Variants in ASZ1 observed in about 807,000 individuals in gnomAD.
ASZ1 encodes ankyrin repeat, SAM and basic leucine zipper domain-containing protein 1.
ASZ1 carries 67 observed loss-of-function variants against 61.8 expected under a neutral mutation model. The observed-to-expected ratio is 1.08, with a 90% CI of 0.89 to 1.33. ASZ1 has a LOEUF of 1.33. Among genes scored for constraint, ASZ1 ranks in the 40% most tolerant of loss-of-function variants. The pLI, the probability that ASZ1 is intolerant of heterozygous loss-of-function variation, is 0.00. For synonymous variants in ASZ1, 193 were observed against 192.7 expected (o/e 1.00, Z -0.01); for missense variants, 577 against 554.5 (o/e 1.04, Z -0.41).
chr7:117,387,318 A>G (rs1007417042), intron 4 of ASZ1, among the ~76,000 whole-genome samples: 10 of 145,082 alleles, frequency 6.9e-5, no homozygotes, highest in African/African-American at 2.8e-4. Flanking sequence ...CAACAACAAC[A>G]ACAACAACAA....
intron 10 of ASZ1, 39 bp from the exon 11 acceptor site, chr7:117,368,756 A>G (rs1795992878): frequency 1.9e-6 from 3 of 1,604,038 alleles, no homozygotes; most frequent in Middle Eastern, 1.7e-4. Context: ...GGAATTACTA[A>G]TAAGAGCAAT....
rs561983723 is a variant in ASZ1 at position 117,412,039 on chromosome 7, A to AGTGTGTATGT, written c.440+8123_440+8124insACATACACAC. Among the ~76,000 whole-genome samples, 1,370 of 128,426 alleles carry AGTGTGTATGT rather than the reference A, an allele frequency of 0.011. 37 individuals carry two copies. The South Asian group carries it at 0.12, about 11-fold the overall frequency. 84.3% of individuals were successfully genotyped at this position (128,426 alleles called of 152,430 possible). On this transcript the variant is annotated intron_variant, in intron 4 of 12. Transcript: ENST00000284629. ...GAAAGATCCCAAACAAGTGAAAAGA[A>AGTGTGTATGT]GTGTGTGTGTGTGTGTGTGTGTGTG...
intron 7 of ASZ1, 83 bp from the exon 8 acceptor site, chr7:117,382,227 T>A (rs915447655): frequency 8.2e-6 from 7 of 849,842 alleles, no homozygotes; most frequent in African/African-American, 1.7e-5. Flanking sequence ...TGCAAGAGAA[T>A]ATGAATAATA....
chr7:117,376,298 A>G (rs1796135848), intron 10 of ASZ1, among the ~76,000 whole-genome samples: 1 of 152,172 alleles, frequency 6.6e-6, no homozygotes, highest in South Asian at 2.1e-4. Flanking sequence ...AATAAATCAA[A>G]TTGTAATTTA....
At chr7:117,403,672 T>G (rs183353456) in intron 4 of ASZ1, among the ~76,000 whole-genome samples, 11 of 152,256 alleles carry the variant, frequency 7.2e-5, no homozygotes, top group Non-Finnish European at 1.6e-4. Flanking sequence ...CCCTTTACTA[T>G]CTATTGCTGT....
At chr7:117,408,526 A>G (rs1433682409) in intron 4 of ASZ1, among the ~76,000 whole-genome samples, 2 of 152,190 alleles carry the variant, frequency 1.3e-5, no homozygotes, top group African/African-American at 2.4e-5. Flanking sequence ...AGGTTGGGTT[A>G]TAAAGAACAT....
intron 4 of ASZ1, among the ~76,000 whole-genome samples, chr7:117,391,419 A>C (rs992119917): frequency 6.6e-6 from 1 of 152,162 alleles, no homozygotes; most frequent in Non-Finnish European, 1.5e-5. Flanking sequence ...TTTTTCTTCT[A>C]GGATTTTTGT....
Position 117,383,100 on chromosome 7 carries a change from A to C in ASZ1, c.698T>G (p.Leu233Ter). 1 of 1,559,770 alleles carries C rather than the reference A, an allele frequency of 6.4e-7. No individual in the cohort carries two copies. The highest frequency in any genetic ancestry group is 1.2e-5 in the South Asian group (1 of 81,764). Residue 233 changes from leucine to a stop codon, truncating the protein, a stop_gained, in exon 7 of 13, where the codon TTA (leucine) becomes TGA (stop). Coordinates refer to ENST00000284629, the MANE Select transcript of ASZ1 (RefSeq NM_130768.3). LOFTEE classifies it high-confidence loss of function. ...CAATGGATTTAAAGTAAAAGAAAGT[A>C]AGTTGAAGATCTGAAAAAAGTTAAC... ...KRNKHHEIFN[L>*]LSFTLNPLEG...
intron 2 of ASZ1, among the ~76,000 whole-genome samples, 184 bp from the exon 3 acceptor site, chr7:117,422,543 A>C (rs767504789): frequency 2.1e-4 from 32 of 152,332 alleles, no homozygotes; most frequent in South Asian, 1.0e-3. Flanking sequence ...CAATTTGCTA[A>C]CTTCAGTTTC....
chr7:117,409,629 G>A (rs1326106700), intron 4 of ASZ1, among the ~76,000 whole-genome samples: 3 of 151,794 alleles, frequency 2.0e-5, no homozygotes, highest in South Asian at 2.1e-4. Context: ...ACAAATTAAG[G>A]GGGACCTTGT....
chr7:117,394,552 C>A (rs185281433), intron 4 of ASZ1, among the ~76,000 whole-genome samples: 1 of 152,070 alleles, frequency 6.6e-6, no homozygotes, highest in East Asian at 1.9e-4. Context: ...AATCTTTATT[C>A]AGTGATTCTT....
At chr7:117,401,472 G>A (rs1468458682) in intron 4 of ASZ1, among the ~76,000 whole-genome samples, 1 of 151,482 alleles carries the variant, frequency 6.6e-6, no homozygotes, top group Non-Finnish European at 1.5e-5. Flanking sequence ...AACAATAAGA[G>A]TAACAGCTGA....
At position 117,383,001 on chromosome 7, in the gene ASZ1, TTTTCTC is replaced by T. The variant is rs779960662; in HGVS notation, c.791_796del (p.Arg264_Glu265del). On this transcript the variant is annotated inframe_deletion, in exon 7 of 13. Transcript: ENST00000284629. ...GCTATATTACCTAAAAATGTGATCT[TTTTCTC>T]TATCAGAATCTGTTGTCAATATTTT... The T allele has an allele frequency of 6.4e-7, 1 of 1,573,448 alleles. No individual in the cohort carries two copies. Among genetic ancestry groups the T allele is most frequent in the Non-Finnish European group, 8.6e-7 (1 of 1,163,816 alleles).
intron 3 of ASZ1, among the ~76,000 whole-genome samples, chr7:117,421,061 CAT>C (rs1323048942): frequency 6.6e-6 from 1 of 152,192 alleles, no homozygotes; most frequent in African/African-American, 2.4e-5. Flanking sequence ...ATAAAAAACT[CAT>C]GTGTACATTC....
Position 117,363,321 on chromosome 7 carries a change from A to C in ASZ1, c.*275T>G. 1 of 206,436 alleles carries C rather than the reference A, an allele frequency of 4.8e-6. No homozygotes were observed. The highest frequency in any genetic ancestry group is 9.6e-6 in the Non-Finnish European group (1 of 104,460). The allele number at this position is 206,436 out of a possible 1,614,324, so 12.8% of individuals were successfully genotyped here. On this transcript the variant is annotated 3_prime_UTR_variant, in exon 13 of 13. Coordinates refer to ENST00000284629, the MANE Select transcript of ASZ1 (RefSeq NM_130768.3). ...CTTTAAAAAATGTCAAAGATATTAG[A>C]TATAACTTTAATTTTGAATGTGATT...
chr7:117,389,984 CCTTTTTT>C (rs1177945530), intron 4 of ASZ1, among the ~76,000 whole-genome samples: 1 of 152,110 alleles, frequency 6.6e-6, no homozygotes. Context: ...CATTTGGTTT[CCTTTTTT>C]CTTTTTTCTA....
rs6978006 is a variant in ASZ1, at chr7:117,385,552, T to C, written c.552+146A>G. On this transcript the variant is annotated intron_variant, in intron 5 of 12. Transcript: ENST00000284629. Reference sequence around the variant, plus strand: ...CAGGGATTACAGGTGTGAGTCACCATACCCTTCTATTTCAACTGTTGCTTT... The same window carrying C: ...CAGGGATTACAGGTGTGAGTCACCACACCCTTCTATTTCAACTGTTGCTTT... The C allele has an allele frequency of 7.1e-3, 4,846 of 685,424 alleles. 168 individuals carry two copies. The African/African-American group carries it at 0.079, about 11-fold the overall frequency. 42.5% of individuals were successfully genotyped at this position (685,424 alleles called of 1,614,324 possible). A position where few individuals can be genotyped will look rare whatever the true frequency, so the allele number is the denominator to read the frequency against.
chr7:117,375,118 A>G (rs554188416), intron 10 of ASZ1, among the ~76,000 whole-genome samples: 1 of 152,204 alleles, frequency 6.6e-6, no homozygotes, highest in African/African-American at 2.4e-5. Context: ...TTTCAAAATT[A>G]TCTAGTTGGT....
Position 117,385,749 on chromosome 7 carries a change from G to A in ASZ1, c.501C>T (p.Leu167=), listed in dbSNP as rs749871762. 6 of 1,613,592 alleles carry A rather than the reference G, an allele frequency of 3.7e-6. No homozygotes were observed. The highest frequency in any genetic ancestry group is 1.7e-4 in the Middle Eastern group (1 of 6,058). ...ARDGHTQVVA[L]LVAHGAEVNT... ...TAACTTCTGCTCCATGAGCAACAAG[G>A]AGAGCAACAACCTGGGTGTGACCAT... is the stretch of plus-strand genomic sequence containing the variant. Residue 167 remains leucine, a synonymous_variant, in exon 5 of 13, where the codon CTC becomes CTT. Transcript: ENST00000284629.
Sources: allele counts gnomAD v4.1 joint callset (sites outside exome capture counted in the v4.1 genomes callset), GRCh38; gene constraint gnomAD v4.1.1; transcripts MANE v1.5; gene names NCBI Gene and HGNC (gene_info 2026-07-23, HGNC 2026-07-21).